LRP1B: variants seen among roughly 807,000 people sequenced by gnomAD.
LRP1B encodes the protein LDL receptor related protein 1B.
A neutral mutation model predicts 556.6 loss-of-function variants in LRP1B; 217 were observed. That is an observed-to-expected ratio of 0.39 (90% CI 0.35 to 0.44). LRP1B has a LOEUF of 0.44. Ranked by LOEUF, LRP1B falls within the 20% of genes least tolerant of loss-of-function variation. The pLI is 1.00. For synonymous variants in LRP1B, 2,047 were observed against 1,865.8 expected (o/e 1.10, Z -2.50); for missense variants, 5,053 against 5,620.8 (o/e 0.90, Z 3.23).
intron 35 of LRP1B, among the ~76,000 whole-genome samples, chr2:140,765,906 TA>T (rs1689087066): frequency 6.6e-6 from 1 of 152,098 alleles, no homozygotes; most frequent in African/African-American, 2.4e-5. Context: ...AATAAGAGGC[TA>T]ATGCTAAATG....
chr2:141,890,101 A>C (rs1471080637), intron 1 of LRP1B, among the ~76,000 whole-genome samples: 1 of 151,834 alleles, frequency 6.6e-6, no homozygotes, highest in Non-Finnish European at 1.5e-5. Flanking sequence ...ATTCCAAGTC[A>C]TCATTTATAT....
At chr2:140,940,926 G>C (rs1172000182) in intron 20 of LRP1B, among the ~76,000 whole-genome samples, 1 of 152,120 alleles carries the variant, frequency 6.6e-6, no homozygotes, top group Non-Finnish European at 1.5e-5. Context: ...AGCCTTGCTA[G>C]CATCTGTTTC....
At chr2:141,456,385 C>T (rs998939397) in intron 3 of LRP1B, among the ~76,000 whole-genome samples, 8 of 152,128 alleles carry the variant, frequency 5.3e-5, no homozygotes, top group Non-Finnish European at 8.8e-5. Context: ...GACTAAAACA[C>T]CTATAGTCTT....
chr2:140,945,693 C>CAA (rs201318401), intron 20 of LRP1B, among the ~76,000 whole-genome samples: 4 of 149,456 alleles, frequency 2.7e-5, no homozygotes. Flanking sequence ...TTACTATATA[C>CAA]AAAAAAAAAT....
chr2:140,285,026 G>GTGTGTATATATATATATATA, intron 84 of LRP1B, among the ~76,000 whole-genome samples: 1 of 144,658 alleles, frequency 6.9e-6, no homozygotes, highest in African/African-American at 2.5e-5. Flanking sequence ...GTGTGTGTGT[G>GTGTGTATATATATATATATA]TATATATATA....
At chr2:141,484,495 T>C (rs964190269) in intron 2 of LRP1B, among the ~76,000 whole-genome samples, 6 of 152,076 alleles carry the variant, frequency 3.9e-5, no homozygotes, top group African/African-American at 1.4e-4. Flanking sequence ...TCCAATTCTG[T>C]GAAGAAAGTC....
intron 2 of LRP1B, among the ~76,000 whole-genome samples, chr2:141,793,923 G>A (rs1376805931): frequency 6.6e-6 from 1 of 151,708 alleles, no homozygotes; most frequent in Non-Finnish European, 1.5e-5. Context: ...AACTGAACTT[G>A]TTAACTAAGT....
chr2:141,334,556 A>G (rs979262292), intron 3 of LRP1B, among the ~76,000 whole-genome samples: 5 of 151,118 alleles, frequency 3.3e-5, no homozygotes, highest in Admixed American at 6.6e-5. Context: ...TGAACTTCCT[A>G]GAAACAGTGA....
intron 41 of LRP1B, among the ~76,000 whole-genome samples, chr2:140,624,525 T>C (rs2105260114): frequency 6.6e-6 from 1 of 152,284 alleles, no homozygotes; most frequent in South Asian, 2.1e-4. Context: ...TTGGAATTAT[T>C]TTGAGATACT....
At position 140,908,023 on chromosome 2, in the gene LRP1B, T is replaced by C. The variant is rs964052835; in HGVS notation, c.3374A>G (p.Gln1125Arg). The change falls in exon 22 of 91, where the codon CAG becomes CGG. Residue 1125 changes from glutamine to arginine, a missense_variant. By Grantham distance (43) the Gln-to-Arg change is conservative (BLOSUM62 1). This residue lies in a region of LRP1B where 3,619 missense variants were observed against 3,931.9 expected (regional missense o/e 0.92). Transcript: ENST00000389484. ...VCDGDIDCED[Q>R]SDEDDCDSFL... Reference sequence around the variant, plus strand: ...ACTGTCACAGTCATCTTCATCTGACTGATCTTCGCAATCAATATCTCCATC... The same window carrying C: ...ACTGTCACAGTCATCTTCATCTGACCGATCTTCGCAATCAATATCTCCATC... The C allele has an allele frequency of 2.5e-6, 4 of 1,613,440 alleles. No individual in the cohort carries two copies. Among genetic ancestry groups the C allele is most frequent in the Non-Finnish European group, 3.4e-6 (4 of 1,179,690 alleles).
At chr2:141,007,925 G>A (rs967387298) in intron 14 of LRP1B, among the ~76,000 whole-genome samples, 6 of 151,422 alleles carry the variant, frequency 4.0e-5, no homozygotes, top group Admixed American at 4.0e-4. Context: ...TTGGTTATTT[G>A]TTCTGTCATA....
At chr2:141,238,913 A>G (rs1229497269) in intron 5 of LRP1B, among the ~76,000 whole-genome samples, 1 of 152,030 alleles carries the variant, frequency 6.6e-6, no homozygotes, top group African/African-American at 2.4e-5. Flanking sequence ...TAAATATCCA[A>G]ATGGAGATAT....
chr2:141,516,462 T>C (rs1323197997), intron 2 of LRP1B, among the ~76,000 whole-genome samples: 7 of 152,162 alleles, frequency 4.6e-5, no homozygotes, highest in African/African-American at 1.7e-4. Context: ...ATCTAAACTA[T>C]TATTTTCCTG....
At chr2:140,399,110 T>C (rs922838484) in intron 66 of LRP1B, among the ~76,000 whole-genome samples, 2 of 151,920 alleles carry the variant, frequency 1.3e-5, no homozygotes, top group Non-Finnish European at 2.9e-5. Flanking sequence ...TATTTGATCT[T>C]TTAGAATTGA....
intron 1 of LRP1B, among the ~76,000 whole-genome samples, chr2:141,916,893 C>T (rs1700050728): frequency 6.6e-6 from 1 of 152,052 alleles, no homozygotes; most frequent in African/African-American, 2.4e-5. Flanking sequence ...GGTAACAAAC[C>T]TACACATGTA....
intron 20 of LRP1B, 91 bp downstream of exon 20, chr2:140,950,141 TTTC>T (rs1360388733): frequency 2.0e-4 from 186 of 951,874 alleles, no homozygotes; most frequent in African/African-American, 4.9e-4. Flanking sequence ...TAATAAGCAA[TTTC>T]TTTTTATACA....
chr2:140,266,425 G>A (rs189081328), intron 86 of LRP1B, among the ~76,000 whole-genome samples: 5 of 152,020 alleles, frequency 3.3e-5, no homozygotes, highest in Admixed American at 6.6e-5. Context: ...ATTTACTTTT[G>A]TTGATTCCTG....
intron 1 of LRP1B, among the ~76,000 whole-genome samples, chr2:142,086,640 C>CAAAAAAAA (rs55654885): frequency 1.4e-5 from 2 of 147,662 alleles, no homozygotes; most frequent in African/African-American, 5.1e-5. Flanking sequence ...AACAAACAAA[C>CAAAAAAAA]AAAAAAAAAA....
intron 84 of LRP1B, among the ~76,000 whole-genome samples, chr2:140,286,409 T>TGA (rs1055229437): frequency 6.6e-6 from 1 of 151,780 alleles, no homozygotes; most frequent in Non-Finnish European, 1.5e-5. Flanking sequence ...CAAGTGCCAA[T>TGA]GAGAGAGCCC....
Sources: gnomAD v4.1 joint callset for allele counts (sites outside exome capture counted in the v4.1 genomes callset) on GRCh38, gnomAD v4.1.1 for gene constraint, gnomAD v4.1.1 regional missense constraint, MANE v1.5 for transcripts, NCBI Gene and HGNC (gene_info 2026-07-23, HGNC 2026-07-21) for gene names.